The following PDE6B variants were observed in gnomAD, a reference collection of about 807,000 sequenced individuals.
The protein encoded by PDE6B is rod cGMP-specific 3',5'-cyclic phosphodiesterase subunit beta.
A neutral mutation model predicts 109.0 loss-of-function variants in PDE6B; 106 were observed. That is an observed-to-expected ratio of 0.97 (90% CI 0.83 to 1.14). PDE6B has a LOEUF of 1.14. Ranked by LOEUF, PDE6B falls within the 50% of genes most tolerant of loss-of-function variation. The probability of loss-of-function intolerance (pLI) is 0.00; values close to 1 mark genes in which losing one functional copy is unlikely to be tolerated. For synonymous variants in PDE6B, 490 were observed against 471.3 expected (o/e 1.04, Z -0.51); for missense variants, 1,193 against 1,155.6 (o/e 1.03, Z -0.47).
Position 665,395 on chromosome 4 carries a change from G to A in PDE6B, c.2268+66G>A. ...GTTAGAGACCCCTCTTGGTCCTCAG[G>A]AGCCTCAGGTCCTGGCTTGGTCTCA... On this transcript the variant is annotated intron_variant, in intron 19 of 21. Transcript: ENST00000496514. This position sits in a 1 kb window ranked among gnomAD's most constrained non-coding sequence, Gnocchi z 4.0. 8.9e-7 allele frequency: 1 copy of A among 1,118,196 alleles called. No homozygotes were observed. Among genetic ancestry groups the A allele is most frequent in the African/African-American group, 1.5e-5 (1 of 65,708 alleles). The allele number at this position is 1,118,196 out of a possible 1,614,324, so 69.3% of individuals were successfully genotyped here. A position where few individuals can be genotyped will look rare whatever the true frequency, so the allele number is the denominator to read the frequency against.
chr4:659,554 T>C (rs1736783023), intron 11 of PDE6B, among the ~76,000 whole-genome samples: 1 of 151,746 alleles, frequency 6.6e-6, no homozygotes, highest in Non-Finnish European at 1.5e-5. Flanking sequence ...CACAGGTGTG[T>C]ACATGTGTGC....
Position 665,390 on chromosome 4 carries a change from C to G in PDE6B, c.2268+61C>G. 9.0e-7 allele frequency: 1 copy of G among 1,113,518 alleles called. No individual in the cohort carries two copies. The highest frequency in any genetic ancestry group is 1.5e-5 in the African/African-American group (1 of 65,584). The allele number at this position is 1,113,518 out of a possible 1,614,324, so 69.0% of individuals were successfully genotyped here. ...CGGGTGTTAGAGACCCCTCTTGGTCCTCAGGAGCCTCAGGTCCTGGCTTGG... is the reference window on the plus strand; with the variant it reads ...CGGGTGTTAGAGACCCCTCTTGGTCGTCAGGAGCCTCAGGTCCTGGCTTGG... On this transcript the variant is annotated intron_variant, in intron 19 of 21. Coordinates refer to ENST00000496514, the MANE Select transcript of PDE6B (RefSeq NM_000283.4). This position sits in a 1 kb window ranked among gnomAD's most constrained non-coding sequence, Gnocchi z 4.0.
intron 1 of PDE6B, among the ~76,000 whole-genome samples, chr4:629,938 G>A (rs1056975764): frequency 6.6e-6 from 1 of 152,152 alleles, no homozygotes; most frequent in Non-Finnish European, 1.5e-5. Context: ...AGGAGCCTGA[G>A]AGTCCACAGC....
At chr4:641,511 C>A (rs1734942497) in intron 3 of PDE6B, among the ~76,000 whole-genome samples, 1 of 152,260 alleles carries the variant, frequency 6.6e-6, no homozygotes, top group African/African-American at 2.4e-5. Context: ...AGTACCGTCA[C>A]AGCCACACTT....
intron 6 of PDE6B, chr4:655,549 G>A (rs1736115160): frequency 2.7e-6 from 1 of 367,170 alleles, no homozygotes; most frequent in East Asian, 6.8e-5. Context: ...GTTCCCAAGA[G>A]GGAGGGGCCC....
chr4:625,614 A>G lies in PDE6B; in HGVS notation c.-13A>G. 1 of 1,588,122 alleles carries G rather than the reference A, an allele frequency of 6.3e-7. No individual in the cohort carries two copies. The highest frequency in any genetic ancestry group is 8.6e-7 in the Non-Finnish European group (1 of 1,156,480). On this transcript the variant is annotated 5_prime_UTR_variant, in exon 1 of 22. Coordinates refer to ENST00000496514, the MANE Select transcript of PDE6B (RefSeq NM_000283.4). This position sits in a 1 kb window ranked among gnomAD's most constrained non-coding sequence, Gnocchi z 5.0. ...GCCTGGAGCAGCAGCGTCTCCAGGG[A>G]CAGGCAGCCACCATGAGCCTCAGTG...
chr4:631,231 C>T lies in PDE6B; in HGVS notation c.469-3446C>T, dbSNP rs1734368517. ...GGCTCTGTGGCTGTTCCCATACTTT[C>T]TTTGTGAAACAAGAGCTGTGAAAAC... On this transcript the variant is annotated intron_variant, in intron 1 of 21. Coordinates refer to ENST00000496514, the MANE Select transcript of PDE6B (RefSeq NM_000283.4). Among the ~76,000 whole-genome samples the T allele has an allele frequency of 2.0e-5, 3 of 152,168 alleles. No homozygotes were observed. In the South Asian group the frequency reaches 6.2e-4, roughly 31 times the overall value.
In PDE6B at chr4:636,066, T is replaced by C. The variant is rs932759254; in HGVS notation, c.711+97T>C. On this transcript the variant is annotated intron_variant, in intron 3 of 21. Coordinates refer to ENST00000496514, the MANE Select transcript of PDE6B (RefSeq NM_000283.4). The surrounding 1 kb of genome is among the most constrained non-coding windows in gnomAD (Gnocchi z 4.5). ...AGGCGGGTGGTGGCAGGTGGTCTTG[T>C]GCTCACCTGGGTAGGTCCTGGGGTG... 1.3e-5 allele frequency: 10 copies of C among 774,168 alleles called. No homozygotes were observed. Among genetic ancestry groups the C allele is most frequent in the Non-Finnish European group, 2.1e-5 (9 of 430,400 alleles). The allele number at this position is 774,168 out of a possible 1,614,324, so 48.0% of individuals were successfully genotyped here.
At chr4:668,452 A>G (rs899842318) in intron 21 of PDE6B, among the ~76,000 whole-genome samples, 12 of 146,196 alleles carry the variant, frequency 8.2e-5, no homozygotes, top group Non-Finnish European at 1.7e-4. Flanking sequence ...TGCTCCCACT[A>G]CCCCATGCTG....
chr4:655,561 A>G, intron 6 of PDE6B: 1 of 377,526 alleles, frequency 2.6e-6, no homozygotes, highest in Admixed American at 3.9e-5. Flanking sequence ...GAGGGGCCCC[A>G]GCACGGCAGC....
At chr4:640,701 C>A (rs377197384) in intron 3 of PDE6B, among the ~76,000 whole-genome samples, 11 of 152,122 alleles carry the variant, frequency 7.2e-5, no homozygotes, top group African/African-American at 2.7e-4. Context: ...GATTCATTTT[C>A]TGAAAGGTGT....
At chr4:634,437 G>T (rs1168051039) in intron 1 of PDE6B, among the ~76,000 whole-genome samples, 1 of 152,192 alleles carries the variant, frequency 6.6e-6, no homozygotes, top group Non-Finnish European at 1.5e-5. Flanking sequence ...AAGTCTGCTG[G>T]ACTGAGCACT....
intron 10 of PDE6B, 39 bp from the exon 11 acceptor site, chr4:658,913 C>T (rs377511027): frequency 1.5e-5 from 23 of 1,505,816 alleles, no homozygotes; most frequent in Admixed American, 3.3e-5. Flanking sequence ...GTCCCACATG[C>T]GAAGCTCTTT....
chr4:634,880 T>C (rs373728333), intron 2 of PDE6B, 51 bp downstream of exon 2: 29 of 1,524,782 alleles, frequency 1.9e-5, no homozygotes, highest in Non-Finnish European at 2.5e-5. Context: ...CCTGCCTGCC[T>C]GCCCGCCCGC....
intron 3 of PDE6B, chr4:653,268 T>C: frequency 9.8e-7 from 1 of 1,020,538 alleles, no homozygotes; most frequent in Non-Finnish European, 1.2e-6. Flanking sequence ...GGGGCCTGGG[T>C]CTGGGCCTTG....
chr4:654,963 CGTCCTCCCAGGGCT>C, intron 6 of PDE6B, 75 bp downstream of exon 6: 1 of 912,302 alleles, frequency 1.1e-6, no homozygotes. Flanking sequence ...CCCCCAGGGC[CGTCCTCCCAGGGCT>C]TCCCACGGTG....
chr4:656,071 C>T (rs1176039448), intron 7 of PDE6B, 65 bp downstream of exon 7: 2 of 1,130,028 alleles, frequency 1.8e-6, no homozygotes, highest in East Asian at 2.3e-5. Flanking sequence ...ATGTGTGCTT[C>T]TCCTTGTCTC....
Position 662,047 on chromosome 4 carries a change from C to T in PDE6B, c.1615-87C>T, listed in dbSNP as rs1029542138. The T allele has an allele frequency of 1.1e-5, 8 of 722,892 alleles. No homozygotes were observed. In the South Asian group the frequency reaches 1.2e-4, roughly 11 times the overall value. The allele number at this position is 722,892 out of a possible 1,614,324, so 44.8% of individuals were successfully genotyped here. A position where few individuals can be genotyped will look rare whatever the true frequency, so the allele number is the denominator to read the frequency against. On this transcript the variant is annotated intron_variant, in intron 12 of 21. Coordinates refer to ENST00000496514, the MANE Select transcript of PDE6B (RefSeq NM_000283.4). This position sits in a 1 kb window ranked among gnomAD's most constrained non-coding sequence, Gnocchi z 4.3. ...GTGGGGATGATGGCACGGAGCAGGGCTTCCACTGTGAAGTCAGCCACAGGT... is the reference window on the plus strand; with the variant it reads ...GTGGGGATGATGGCACGGAGCAGGGTTTCCACTGTGAAGTCAGCCACAGGT...
chr4:666,745 C>T lies in PDE6B; in HGVS notation c.2352+131C>T, dbSNP rs988450999. ...CTCACTGGAGTAGGGATGCCAGTGC[C>T]AGCTTCGTGCCGCTCTTGAGTGGGG... is the stretch of plus-strand genomic sequence containing the variant. On this transcript the variant is annotated intron_variant, in intron 20 of 21. Transcript: ENST00000496514. The surrounding 1 kb of genome is among the most constrained non-coding windows in gnomAD (Gnocchi z 5.6). 2 of 705,318 alleles carry T rather than the reference C, an allele frequency of 2.8e-6. No homozygotes were observed. The highest frequency in any genetic ancestry group is 1.5e-5 in the South Asian group (1 of 67,880). The allele number at this position is 705,318 out of a possible 1,614,324, so 43.7% of individuals were successfully genotyped here.
Sources: allele counts gnomAD v4.1 joint callset (sites outside exome capture counted in the v4.1 genomes callset), GRCh38; gene constraint gnomAD v4.1.1; non-coding constraint Gnocchi (gnomAD v3.1); transcripts MANE v1.5; gene names NCBI Gene and HGNC (gene_info 2026-07-23, HGNC 2026-07-21).